TAF3: variants seen among roughly 807,000 people sequenced by gnomAD.
The protein encoded by TAF3 is transcription initiation factor TFIID subunit 3.
Under a neutral mutation model 80.6 loss-of-function variants are expected in TAF3, and 7 were observed. The observed-to-expected ratio is 0.09, with a 90% confidence interval of 0.05 to 0.16. The LOEUF (loss-of-function observed/expected upper bound fraction) is 0.16, where lower values mean the gene tolerates loss of function less well. Ranked by LOEUF, TAF3 falls within the 10% of genes least tolerant of loss-of-function variation. TAF3 has a pLI of 1.00. For missense variants in TAF3, 921 were observed against 1,140.2 expected, an observed-to-expected ratio of 0.81 and a Z score of 2.77; for synonymous variants, 444 against 446.1, an observed-to-expected ratio of 1.00 and a Z score of 0.06.
chr10:7,830,963 G>C (rs1048049583), intron 2 of TAF3, among the ~76,000 whole-genome samples: 11 of 152,202 alleles, frequency 7.2e-5, no homozygotes, highest in African/African-American at 2.4e-4. Flanking sequence ...TCTGAGGCTT[G>C]ACCAGATTTA....
At chr10:7,871,680 G>T (rs1837268078) in intron 2 of TAF3, among the ~76,000 whole-genome samples, 1 of 151,956 alleles carries the variant, frequency 6.6e-6, no homozygotes, top group African/African-American at 2.4e-5. Flanking sequence ...CCAACCTCAG[G>T]TGATCTGCCC....
chr10:7,832,037 T>C (rs1222652330), intron 2 of TAF3, among the ~76,000 whole-genome samples: 1 of 152,226 alleles, frequency 6.6e-6, no homozygotes, highest in African/African-American at 2.4e-5. Context: ...TCGTTTTTTG[T>C]GGAGAGAACA....
At chr10:7,977,951 C>T (rs1001094748) in intron 4 of TAF3, among the ~76,000 whole-genome samples, 19 of 151,974 alleles carry the variant, frequency 1.3e-4, no homozygotes, top group Non-Finnish European at 2.5e-4. Context: ...GGATATTTTT[C>T]TTTTATTCAT....
At chr10:7,994,238 C>A (rs778566549) in intron 4 of TAF3, among the ~76,000 whole-genome samples, 4 of 151,922 alleles carry the variant, frequency 2.6e-5, no homozygotes, top group Non-Finnish European at 4.4e-5. Flanking sequence ...AAAAAAAATT[C>A]CAGGTTTATC....
intron 2 of TAF3, among the ~76,000 whole-genome samples, chr10:7,837,089 G>A (rs1436901677): frequency 1.3e-5 from 2 of 152,182 alleles, no homozygotes; most frequent in Non-Finnish European, 2.9e-5. Flanking sequence ...CTGGCCAGGC[G>A]TGGTGGCTCA....
intron 5 of TAF3, 125 bp from the exon 6 acceptor site, chr10:8,013,606 A>G (rs1419259025): frequency 3.1e-6 from 2 of 644,208 alleles, no homozygotes; most frequent in Non-Finnish European, 5.4e-6. Context: ...CTGATCTACT[A>G]TATTTTTTAG....
At chr10:7,945,774 G>A (rs1173747302) in intron 2 of TAF3, among the ~76,000 whole-genome samples, 1 of 152,186 alleles carries the variant, frequency 6.6e-6, no homozygotes, top group Non-Finnish European at 1.5e-5. Context: ...TTTAGACAGT[G>A]ACTGTCCTGT....
chr10:7,946,946 G>A (rs896681109), intron 2 of TAF3, among the ~76,000 whole-genome samples: 1 of 151,944 alleles, frequency 6.6e-6, no homozygotes, highest in Middle Eastern at 3.4e-3. Context: ...TTTGTTTTTG[G>A]AGGCGGATTC....
At chr10:7,913,819 G>A (rs1837679774) in intron 2 of TAF3, among the ~76,000 whole-genome samples, 1 of 152,196 alleles carries the variant, frequency 6.6e-6, no homozygotes, top group African/African-American at 2.4e-5. Context: ...CATTGAACCT[G>A]AAGTGCAGTC....
chr10:7,926,547 T>C (rs1380840761), intron 2 of TAF3, among the ~76,000 whole-genome samples: 1 of 152,234 alleles, frequency 6.6e-6, no homozygotes, highest in Non-Finnish European at 1.5e-5. Flanking sequence ...GCTTTTTATA[T>C]GTGAACAATT....
intron 3 of TAF3, among the ~76,000 whole-genome samples, chr10:7,970,074 T>G (rs1031847421): frequency 1.3e-5 from 2 of 152,246 alleles, no homozygotes; most frequent in Non-Finnish European, 2.9e-5. Context: ...GTTTGTGTCA[T>G]TTAATTAAGA....
intron 2 of TAF3, among the ~76,000 whole-genome samples, chr10:7,886,649 C>G (rs1436209630): frequency 6.6e-6 from 1 of 152,156 alleles, no homozygotes; most frequent in Admixed American, 6.5e-5. Context: ...AACATATATA[C>G]ATCATAGCAC....
At chr10:7,859,955 A>G (rs1487212175) in intron 2 of TAF3, among the ~76,000 whole-genome samples, 2 of 152,176 alleles carry the variant, frequency 1.3e-5, no homozygotes, top group Non-Finnish European at 2.9e-5. Flanking sequence ...TGGCAGTTAC[A>G]TATGTTGAAA....
At chr10:7,987,638 A>C (rs1831791196) in intron 4 of TAF3, among the ~76,000 whole-genome samples, 1 of 152,222 alleles carries the variant, frequency 6.6e-6, no homozygotes, top group African/African-American at 2.4e-5. Context: ...ATACCAATTA[A>C]AATTCTCACC....
intron 4 of TAF3, among the ~76,000 whole-genome samples, chr10:7,994,498 C>G (rs1208666619): frequency 1.3e-5 from 2 of 152,080 alleles, no homozygotes; most frequent in Non-Finnish European, 2.9e-5. Flanking sequence ...TTTAATATTA[C>G]TGTTACGTAT....
At chr10:7,939,620 A>ACACC (rs1301578791) in intron 2 of TAF3, among the ~76,000 whole-genome samples, 2 of 141,814 alleles carry the variant, frequency 1.4e-5, no homozygotes, top group African/African-American at 5.3e-5. Flanking sequence ...ACACACACAC[A>ACACC]CCTCTACCTA....
At chr10:7,843,646 C>CT (rs34180336) in intron 2 of TAF3, among the ~76,000 whole-genome samples, 70,717 of 142,342 alleles carry the variant, frequency 0.5, 18,549 homozygotes, top group Non-Finnish European at 0.59. Context: ...CTTTCTCACT[C>CT]TTTTTTTTTT....
At chr10:7,995,650 A>G (rs1164062636) in intron 4 of TAF3, among the ~76,000 whole-genome samples, 1 of 152,138 alleles carries the variant, frequency 6.6e-6, no homozygotes, top group East Asian at 1.9e-4. Context: ...ACTTCATGCA[A>G]TTTGTTTCAT....
At chr10:7,991,931 A>G (rs1332898175) in intron 4 of TAF3, among the ~76,000 whole-genome samples, 9 of 152,284 alleles carry the variant, frequency 5.9e-5, no homozygotes, top group South Asian at 2.1e-4. Context: ...ACTGCATATC[A>G]TCTTATTACC....
Sources: gnomAD v4.1 joint callset for allele counts (sites outside exome capture counted in the v4.1 genomes callset) on GRCh38, gnomAD v4.1.1 for gene constraint, MANE v1.5 for transcripts, NCBI Gene and HGNC (gene_info 2026-07-23, HGNC 2026-07-21) for gene names.